Variants in GRM8 observed in about 807,000 individuals in gnomAD.
GRM8 encodes metabotropic glutamate receptor 8.
Under a neutral mutation model 87.2 loss-of-function variants are expected in GRM8, and 47 were observed. The ratio of observed to expected loss-of-function variants is 0.54; its 90% CI spans 0.43 to 0.69. The LOEUF is 0.69. GRM8 is among the 30% of genes least tolerant of loss of function. The pLI is 0.00. For synonymous variants in GRM8, 396 were observed against 404.5 expected, an observed-to-expected ratio of 0.98 and a Z score of 0.25; for missense variants, 1,019 against 1,139.2, an observed-to-expected ratio of 0.89 and a Z score of 1.52.
chr7:126,878,149 C>A (rs955407093), intron 6 of GRM8, among the ~76,000 whole-genome samples: 1 of 152,138 alleles, frequency 6.6e-6, no homozygotes, highest in East Asian at 1.9e-4. Context: ...CCCCACAGCC[C>A]CACCACCTAA....
chr7:127,030,240 T>C (rs1817227353), intron 3 of GRM8, among the ~76,000 whole-genome samples: 1 of 151,984 alleles, frequency 6.6e-6, no homozygotes, highest in African/African-American at 2.4e-5. Context: ...ACACCTGAGG[T>C]CTTCTCCCTC....
At chr7:126,986,416 T>C (rs1167157924) in intron 3 of GRM8, among the ~76,000 whole-genome samples, 1 of 152,196 alleles carries the variant, frequency 6.6e-6, no homozygotes. Flanking sequence ...TTAATTCTTA[T>C]AGTTAGAGTA....
intron 2 of GRM8, among the ~76,000 whole-genome samples, chr7:127,211,465 G>A (rs1191436495): frequency 6.6e-6 from 1 of 152,166 alleles, no homozygotes; most frequent in Non-Finnish European, 1.5e-5. Context: ...GATGGAGGGT[G>A]GGTCTGCCTC....
At chr7:127,023,245 T>C (rs942329821) in intron 3 of GRM8, among the ~76,000 whole-genome samples, 14 of 152,150 alleles carry the variant, frequency 9.2e-5, no homozygotes, top group African/African-American at 2.7e-4. Context: ...CCATTATTTA[T>C]AGTTTATTAT....
intron 3 of GRM8, among the ~76,000 whole-genome samples, chr7:127,049,986 G>C (rs1012464864): frequency 1.3e-5 from 2 of 152,194 alleles, no homozygotes; most frequent in African/African-American, 4.8e-5. Flanking sequence ...CTGGAGACAG[G>C]CAAGGGCCAG....
chr7:126,770,395 T>C (rs941072000), intron 6 of GRM8, among the ~76,000 whole-genome samples: 1 of 152,104 alleles, frequency 6.6e-6, no homozygotes, highest in Non-Finnish European at 1.5e-5. Context: ...ATCTTTTAAG[T>C]AAAATGTGCA....
At chr7:126,541,517 T>C (rs779958248) in intron 8 of GRM8, among the ~76,000 whole-genome samples, 1 of 152,102 alleles carries the variant, frequency 6.6e-6, no homozygotes, top group Non-Finnish European at 1.5e-5. Flanking sequence ...CATAGGGATA[T>C]AGCCAGGATA....
chr7:126,864,249 C>T (rs918778536), intron 6 of GRM8, among the ~76,000 whole-genome samples: 2 of 152,010 alleles, frequency 1.3e-5, no homozygotes, highest in African/African-American at 4.8e-5. Flanking sequence ...CTAAGTGGGC[C>T]TGGTTGTTCC....
At chr7:126,793,464 T>A (rs1051270344) in intron 6 of GRM8, among the ~76,000 whole-genome samples, 2 of 152,162 alleles carry the variant, frequency 1.3e-5, no homozygotes, top group Non-Finnish European at 2.9e-5. Flanking sequence ...ACTCCTGCCC[T>A]GCAGACCCCA....
intron 3 of GRM8, among the ~76,000 whole-genome samples, chr7:126,910,573 T>C (rs1803179912): frequency 6.6e-6 from 1 of 152,104 alleles, no homozygotes; most frequent in African/African-American, 2.4e-5. Flanking sequence ...AAAAAAATAT[T>C]TGGGCCATGA....
At chr7:126,953,677 C>A (rs867995630) in intron 3 of GRM8, among the ~76,000 whole-genome samples, 1 of 152,072 alleles carries the variant, frequency 6.6e-6, no homozygotes, top group Admixed American at 6.6e-5. Context: ...CAAAAGGAAG[C>A]TATGCAAGTT....
At chr7:127,074,666 C>G (rs544025956) in intron 3 of GRM8, among the ~76,000 whole-genome samples, 1 of 152,172 alleles carries the variant, frequency 6.6e-6, no homozygotes, top group Non-Finnish European at 1.5e-5. Context: ...CCTGTAAGAC[C>G]AAAATATTTC....
At chr7:126,488,662 A>G (rs538140292) in intron 9 of GRM8, among the ~76,000 whole-genome samples, 3 of 152,000 alleles carry the variant, frequency 2.0e-5, no homozygotes, top group African/African-American at 7.2e-5. Flanking sequence ...TCTCTGAACT[A>G]TTTTCTATAC....
intron 2 of GRM8, among the ~76,000 whole-genome samples, chr7:127,223,825 A>G (rs1056119729): frequency 3.9e-5 from 6 of 152,106 alleles, no homozygotes; most frequent in African/African-American, 1.4e-4. Context: ...ACAAAGAACT[A>G]GCAAAGTAAT....
At chr7:127,120,734 C>T (rs1827038031) in intron 2 of GRM8, among the ~76,000 whole-genome samples, 1 of 152,208 alleles carries the variant, frequency 6.6e-6, no homozygotes, top group Non-Finnish European at 1.5e-5. Flanking sequence ...AAAGCTCCCT[C>T]TAATTCACTT....
intron 2 of GRM8, among the ~76,000 whole-genome samples, chr7:127,120,863 T>C (rs531332529): frequency 3.0e-4 from 45 of 152,330 alleles, no homozygotes; most frequent in African/African-American, 1.1e-3. Flanking sequence ...TTAAGAGTAT[T>C]ATGTTTCAGT....
At chr7:126,458,459 T>G (rs1276904904) in intron 9 of GRM8, among the ~76,000 whole-genome samples, 4 of 151,228 alleles carry the variant, frequency 2.6e-5, no homozygotes, top group Non-Finnish European at 5.9e-5. Context: ...TATACACACA[T>G]ACAATTAATC....
At chr7:126,447,751 C>A (rs967758243) in intron 9 of GRM8, among the ~76,000 whole-genome samples, 7 of 151,930 alleles carry the variant, frequency 4.6e-5, no homozygotes, top group Non-Finnish European at 1.0e-4. Context: ...AAACCATGAG[C>A]AGGATGTGAG....
At chr7:126,492,201 C>A (rs1328533989) in intron 9 of GRM8, among the ~76,000 whole-genome samples, 1 of 151,984 alleles carries the variant, frequency 6.6e-6, no homozygotes, top group Non-Finnish European at 1.5e-5. Context: ...TAGGCATGCA[C>A]CACCATGCCT....
Sources: allele counts gnomAD v4.1 joint callset (sites outside exome capture counted in the v4.1 genomes callset), GRCh38; gene constraint gnomAD v4.1.1; transcripts MANE v1.5; gene names NCBI Gene and HGNC (gene_info 2026-07-23, HGNC 2026-07-21).